SBF2: variants seen among roughly 807,000 people sequenced by gnomAD.
The protein encoded by SBF2 is SET binding factor 2.
A neutral mutation model predicts 225.2 loss-of-function variants in SBF2; 112 were observed. The observed-to-expected ratio is 0.50, with a 90% confidence interval of 0.43 to 0.58. The LOEUF (loss-of-function observed/expected upper bound fraction) is 0.58. SBF2 is among the 20% of genes least tolerant of loss of function. SBF2 has a pLI of 0.00. For missense variants in SBF2, 1,996 were observed against 2,206.2 expected (o/e 0.90, Z 1.91); for synonymous variants, 763 against 773.3 (o/e 0.99, Z 0.22).
intron 3 of SBF2, among the ~76,000 whole-genome samples, chr11:10,039,075 CT>C (rs1949553918): frequency 6.6e-6 from 1 of 151,696 alleles, no homozygotes; most frequent in Admixed American, 6.6e-5. Context: ...GTTACTGTAT[CT>C]TGGAAAGATA....
chr11:9,868,366 A>AAAAAAAAAAAAG lies in SBF2; in HGVS notation c.1930-9971_1930-9970insCTTTTTTTTTTT, dbSNP rs1554933292. ...AAAAAAAAAAAAAAAAAAAAAAAAA[A>AAAAAAAAAAAAG]AATTAGGCGGGTGTGGTGGCGGGCG... On this transcript the variant is annotated intron_variant, in intron 17 of 39. Transcript: ENST00000256190. 7.6e-4 allele frequency among the ~76,000 whole-genome samples: 87 copies of AAAAAAAAAAAAG among 114,906 alleles called. 4 individuals carry two copies. Among genetic ancestry groups the AAAAAAAAAAAAG allele is most frequent in the African/African-American group, 1.0e-3 (29 of 28,102 alleles). 75.4% of individuals were successfully genotyped at this position (114,906 alleles called of 152,430 possible).
At chr11:10,255,351 A>T (rs61889816) in intron 1 of SBF2, among the ~76,000 whole-genome samples, 16,060 of 152,234 alleles carry the variant, frequency 0.11, 998 homozygotes, top group Non-Finnish European at 0.11. Flanking sequence ...AACACACATA[A>T]ATTTTATTTG....
rs565061735 is a variant in SBF2, at chr11:9,833,404, A to G, written c.3456-984T>C. ...TTATAACCTCCTAACCACTAATCCTATATCTTTTTTTTGGTGATTTTTTTT... is the reference window on the plus strand; with the variant it reads ...TTATAACCTCCTAACCACTAATCCTGTATCTTTTTTTTGGTGATTTTTTTT... On this transcript the variant is annotated intron_variant, in intron 26 of 39. Coordinates refer to ENST00000256190, the MANE Select transcript of SBF2 (RefSeq NM_030962.4). Among the ~76,000 whole-genome samples the G allele has an allele frequency of 9.4e-4, 139 of 148,056 alleles. 1 individual carries two copies. The highest frequency in any genetic ancestry group is 1.1e-3 in the Non-Finnish European group (77 of 67,264).
chr11:9,826,751 ATG>A (rs1191716598), intron 28 of SBF2, among the ~76,000 whole-genome samples: 10 of 146,124 alleles, frequency 6.8e-5, no homozygotes, highest in South Asian at 2.2e-4. Flanking sequence ...GTGTGTGTGT[ATG>A]TGTGTGTGTG....
At chr11:10,060,496 A>G (rs1233635706) in intron 2 of SBF2, among the ~76,000 whole-genome samples, 1 of 152,198 alleles carries the variant, frequency 6.6e-6, no homozygotes, top group East Asian at 1.9e-4. Flanking sequence ...ATTCCCAAAA[A>G]TTGAGGAGGA....
intron 28 of SBF2, among the ~76,000 whole-genome samples, chr11:9,827,239 G>A (rs779346046): frequency 1.4e-4 from 22 of 152,182 alleles, no homozygotes; most frequent in Non-Finnish European, 3.1e-4. Flanking sequence ...TCACAGTTGA[G>A]ATATCTGGGG....
intron 16 of SBF2, among the ~76,000 whole-genome samples, chr11:9,931,169 G>A (rs772887660): frequency 1.1e-4 from 17 of 152,264 alleles, no homozygotes; most frequent in Admixed American, 6.5e-5. Context: ...CCACCTCTGT[G>A]GGCAGGGCAT....
At chr11:9,800,490 T>C (rs1191010887) in intron 32 of SBF2, among the ~76,000 whole-genome samples, 1 of 152,008 alleles carries the variant, frequency 6.6e-6, no homozygotes, top group Admixed American at 6.6e-5. Context: ...CACTGCAAGC[T>C]CCACCTCCCG....
chr11:10,282,544 T>A (rs1460013862), intron 1 of SBF2, among the ~76,000 whole-genome samples: 2 of 152,124 alleles, frequency 1.3e-5, no homozygotes, highest in Non-Finnish European at 2.9e-5. Flanking sequence ...TCATTTCTTC[T>A]CCTGAATTCC....
intron 1 of SBF2, among the ~76,000 whole-genome samples, chr11:10,240,757 CA>C (rs1320632965): frequency 2.0e-5 from 3 of 152,080 alleles, no homozygotes; most frequent in Admixed American, 6.5e-5. Context: ...ATATATGGTG[CA>C]TTTTTTTCTG....
chr11:9,800,110 C>T (rs1469556187), intron 32 of SBF2, among the ~76,000 whole-genome samples: 2 of 151,936 alleles, frequency 1.3e-5, no homozygotes, highest in Non-Finnish European at 1.5e-5. Context: ...TGGTTGTGCA[C>T]ACTTGTAATC....
At chr11:9,832,564 CATATT>C (rs1359347365) in intron 26 of SBF2, 144 bp from the exon 27 acceptor site, 8 of 677,318 alleles carry the variant, frequency 1.2e-5, no homozygotes, top group Non-Finnish European at 5.3e-6. Flanking sequence ...GATTCAGAAA[CATATT>C]AGTTGAAGGG....
chr11:9,996,973 T>C (rs1947730919), intron 9 of SBF2, among the ~76,000 whole-genome samples: 1 of 152,166 alleles, frequency 6.6e-6, no homozygotes, highest in Non-Finnish European at 1.5e-5. Flanking sequence ...AATTCAGGTA[T>C]CCTGTATCCC....
Position 9,917,223 on chromosome 11 carries a change from A to G in SBF2, c.1861-21212T>C, listed in dbSNP as rs146767722. Among the ~76,000 whole-genome samples, 13 of 151,868 alleles carry G rather than the reference A, an allele frequency of 8.6e-5. No homozygotes were observed. In the East Asian group the frequency reaches 2.3e-3, roughly 27 times the overall value. On this transcript the variant is annotated intron_variant, in intron 16 of 39. Coordinates refer to ENST00000256190, the MANE Select transcript of SBF2 (RefSeq NM_030962.4). ...CATTTTCTTCCTAATTGCAGATCATATATTTATTTATATAATTTATCTTTT... is the reference window on the plus strand; with the variant it reads ...CATTTTCTTCCTAATTGCAGATCATGTATTTATTTATATAATTTATCTTTT...
rs568256111 is a variant in SBF2, at chr11:9,968,714, T to G, written c.1396-169A>C. Among the ~76,000 whole-genome samples, 26 of 152,326 alleles carry G rather than the reference T, an allele frequency of 1.7e-4. No individual in the cohort carries two copies. In the East Asian group the frequency reaches 2.1e-3, roughly 12 times the overall value. ...ATCTTACTTCTTCTTACATGCTCTA[T>G]CAGCAGCATCTGATACAGCTTGGCA... On this transcript the variant is annotated intron_variant, in intron 13 of 39. Transcript: ENST00000256190.
At chr11:10,144,445 GC>G (rs1278473749) in intron 2 of SBF2, among the ~76,000 whole-genome samples, 1 of 152,088 alleles carries the variant, frequency 6.6e-6, no homozygotes, top group African/African-American at 2.4e-5. Flanking sequence ...CCAAGGCTGT[GC>G]CACTGCACTC....
At chr11:10,198,670 C>T (rs1957465964) in intron 1 of SBF2, among the ~76,000 whole-genome samples, 1 of 152,226 alleles carries the variant, frequency 6.6e-6, no homozygotes, top group Non-Finnish European at 1.5e-5. Flanking sequence ...TCCAATACAG[C>T]CTGTTTCGTC....
intron 30 of SBF2, 21 bp from the exon 31 acceptor site, chr11:9,809,023 C>A (rs768236632): frequency 6.3e-7 from 1 of 1,582,490 alleles, no homozygotes; most frequent in Non-Finnish European, 8.7e-7. Flanking sequence ...GGAAGGAGAA[C>A]ACAATTAGAC....
chr11:9,862,340 C>G (rs554391531), intron 17 of SBF2, among the ~76,000 whole-genome samples: 17 of 152,238 alleles, frequency 1.1e-4, no homozygotes, highest in Middle Eastern at 3.4e-3. Context: ...TTTATTCTGC[C>G]TAGACTCCAT....
Sources: gnomAD v4.1 joint callset for allele counts (sites outside exome capture counted in the v4.1 genomes callset) on GRCh38, gnomAD v4.1.1 for gene constraint, MANE v1.5 for transcripts, NCBI Gene and HGNC (gene_info 2026-07-23, HGNC 2026-07-21) for gene names.